The following UBE2F variants were observed in gnomAD, a reference collection of about 807,000 sequenced individuals.
The protein encoded by UBE2F is NEDD8-conjugating enzyme UBE2F.
UBE2F carries 5 observed loss-of-function variants against 29.6 expected under a neutral mutation model. That is an observed-to-expected ratio of 0.17 (90% confidence interval 0.09 to 0.36). The LOEUF (loss-of-function observed/expected upper bound fraction) is 0.36. Ranked by LOEUF, UBE2F falls within the 10% of genes least tolerant of loss-of-function variation. The pLI is 1.00. For synonymous variants in UBE2F, 66 were observed against 81.8 expected (o/e 0.81, Z 1.04); for missense variants, 141 against 228.5 (o/e 0.62, Z 2.47).
intron 2 of UBE2F, among the ~76,000 whole-genome samples, chr2:237,979,524 A>G (rs1003983969): frequency 6.6e-6 from 1 of 152,236 alleles, no homozygotes; most frequent in African/African-American, 2.4e-5. Flanking sequence ...GGCATGCCAC[A>G]TTGTCAGGGT....
Position 238,023,853 on chromosome 2 carries a change from T to G in UBE2F, c.283-1489T>G, listed in dbSNP as rs1044682652. ...CACATCTTCTGAAGGACATGAGCAG[T>G]GTATCAGAAGCTAGGGTTTATGACC... On this transcript the variant is annotated intron_variant, in intron 5 of 9. Coordinates refer to ENST00000272930, the MANE Select transcript of UBE2F (RefSeq NM_080678.3). Among the ~76,000 whole-genome samples, 7 of 152,190 alleles carry G rather than the reference T, an allele frequency of 4.6e-5. No homozygotes were observed. The East Asian group carries it at 1.4e-3, about 29-fold the overall frequency.
intron 2 of UBE2F, among the ~76,000 whole-genome samples, chr2:237,981,614 CTTTTTTTTTTTTTTTT>C (rs139270010): frequency 2.1e-4 from 13 of 62,398 alleles, no homozygotes; most frequent in East Asian, 6.2e-4. Flanking sequence ...AATTTGAATT[CTTTTTTTTTTTTTTTT>C]TTTTTTTTTT....
intron 3 of UBE2F, among the ~76,000 whole-genome samples, chr2:237,991,609 C>CTTTGTTTTTTTTTTTTTT (rs57180067): frequency 3.8e-5 from 2 of 53,052 alleles, no homozygotes; most frequent in Non-Finnish European, 7.0e-5. Context: ...TTCTTTCTTT[C>CTTTGTTTTTTTTTTTTTT]TTTTTTTTTT....
At chr2:238,001,150 C>T (rs1347210114) in intron 4 of UBE2F, among the ~76,000 whole-genome samples, 2 of 151,370 alleles carry the variant, frequency 1.3e-5, no homozygotes, top group African/African-American at 4.9e-5. Flanking sequence ...TCTCCTGCCT[C>T]AGCCTCCCAA....
chr2:238,033,069 A>G (rs1236293514), intron 8 of UBE2F, among the ~76,000 whole-genome samples: 3 of 152,198 alleles, frequency 2.0e-5, no homozygotes, highest in Non-Finnish European at 4.4e-5. Flanking sequence ...CTGTGGCTAC[A>G]CTAGCCAGCC....
intron 4 of UBE2F, among the ~76,000 whole-genome samples, chr2:237,996,014 A>G (rs865984049): frequency 2.6e-5 from 4 of 152,224 alleles, no homozygotes; most frequent in Non-Finnish European, 5.9e-5. Context: ...CCTGACATCT[A>G]TAGATAAATG....
rs1166026959 is a variant in UBE2F at position 237,967,240 on chromosome 2, G to T, written c.-17+108G>T. 3 of 771,084 alleles carry T rather than the reference G, an allele frequency of 3.9e-6. No homozygotes were observed. Among genetic ancestry groups the T allele is most frequent in the Non-Finnish European group, 4.7e-6 (3 of 635,466 alleles). 47.8% of individuals were successfully genotyped at this position (771,084 alleles called of 1,614,324 possible). A position where few individuals can be genotyped will look rare whatever the true frequency, so the allele number is the denominator to read the frequency against. Reference sequence around the variant, plus strand: ...GCGGGCGGTGGCGGGGCCGCCTCGGGCCCGCCGGGTTCCTCACGCCGGGGG... The same window carrying T: ...GCGGGCGGTGGCGGGGCCGCCTCGGTCCCGCCGGGTTCCTCACGCCGGGGG... On this transcript the variant is annotated intron_variant, in intron 1 of 9. Transcript: ENST00000272930. The surrounding 1 kb of genome is among the most constrained non-coding windows in gnomAD (Gnocchi z 6.3).
intron 4 of UBE2F, among the ~76,000 whole-genome samples, chr2:238,006,095 G>A (rs543498373): frequency 4.0e-4 from 61 of 152,184 alleles, no homozygotes; most frequent in Non-Finnish European, 6.3e-4. Flanking sequence ...TTATGGTTCT[G>A]CAGGCTGTGT....
chr2:238,002,242 T>C (rs2063810426), intron 4 of UBE2F, among the ~76,000 whole-genome samples: 1 of 152,012 alleles, frequency 6.6e-6, no homozygotes, highest in Non-Finnish European at 1.5e-5. Context: ...TTTTTTTTTT[T>C]TCCTCTTTCT....
intron 3 of UBE2F, chr2:237,990,468 G>A (rs2063564035): frequency 2.3e-6 from 1 of 442,532 alleles, no homozygotes; most frequent in African/African-American, 2.1e-5. Context: ...AGTGGCATGA[G>A]TGTGGCTCAC....
chr2:237,967,158 G>C lies in UBE2F; in HGVS notation c.-17+26G>C. ...GTGAGGAGCGACCGTGCGGCTCTGCGGCGGGGCGAGGTGCGGCCGCCGGTG... is the reference window on the plus strand; with the variant it reads ...GTGAGGAGCGACCGTGCGGCTCTGCCGCGGGGCGAGGTGCGGCCGCCGGTG... On this transcript the variant is annotated intron_variant, in intron 1 of 9. Transcript: ENST00000272930. The surrounding 1 kb of genome is among the most constrained non-coding windows in gnomAD (Gnocchi z 6.3). The C allele has an allele frequency of 8.4e-7, 1 of 1,195,314 alleles. No individual in the cohort carries two copies. The highest frequency in any genetic ancestry group is 3.6e-5 in the South Asian group (1 of 27,682). 74.0% of individuals were successfully genotyped at this position (1,195,314 alleles called of 1,614,324 possible).
At chr2:237,977,553 C>T (rs1194911874) in intron 2 of UBE2F, among the ~76,000 whole-genome samples, 1 of 152,096 alleles carries the variant, frequency 6.6e-6, no homozygotes, top group Non-Finnish European at 1.5e-5. Flanking sequence ...TGGGGTCCGC[C>T]CCTAGAGTGC....
chr2:237,985,910 G>T (rs1485781042), intron 2 of UBE2F, among the ~76,000 whole-genome samples: 1 of 152,128 alleles, frequency 6.6e-6, no homozygotes, highest in African/African-American at 2.4e-5. Context: ...GATTTCTCAT[G>T]ATTTTGATTT....
At chr2:237,970,640 G>A (rs1380152568) in intron 1 of UBE2F, among the ~76,000 whole-genome samples, 1 of 152,198 alleles carries the variant, frequency 6.6e-6, no homozygotes, top group Non-Finnish European at 1.5e-5. Context: ...GTATGTCCGT[G>A]TCCTCTAGTG....
chr2:237,973,045 T>C, intron 1 of UBE2F, 47 bp from the exon 2 acceptor site: 1 of 1,541,600 alleles, frequency 6.5e-7, no homozygotes, highest in South Asian at 1.2e-5. Context: ...GTCTAATTAG[T>C]CTCTGGAGAC....
chr2:238,003,018 T>C (rs1335275857), intron 4 of UBE2F, among the ~76,000 whole-genome samples: 1 of 152,328 alleles, frequency 6.6e-6, no homozygotes, highest in East Asian at 1.9e-4. Context: ...AGAGTAGACC[T>C]ATTACCTTGA....
At chr2:238,012,285 G>A (rs1489161881) in intron 4 of UBE2F, among the ~76,000 whole-genome samples, 1 of 152,146 alleles carries the variant, frequency 6.6e-6, no homozygotes, top group Admixed American at 6.5e-5. Context: ...ACTTGGAGAA[G>A]GCTTTGTCAC....
At chr2:238,005,200 T>C (rs1179989803) in intron 4 of UBE2F, among the ~76,000 whole-genome samples, 1 of 152,194 alleles carries the variant, frequency 6.6e-6, no homozygotes, top group Admixed American at 6.5e-5. Context: ...TTTTTAAAAT[T>C]ATTTTATTTT....
chr2:238,012,756 G>A (rs572208873), intron 4 of UBE2F, among the ~76,000 whole-genome samples: 2 of 152,274 alleles, frequency 1.3e-5, no homozygotes, highest in Non-Finnish European at 2.9e-5. Flanking sequence ...GGTGAGACGT[G>A]GAACTGGTGC....
Sources: gnomAD v4.1 joint callset for allele counts (sites outside exome capture counted in the v4.1 genomes callset) on GRCh38, gnomAD v4.1.1 for gene constraint, Gnocchi (gnomAD v3.1) non-coding constraint, MANE v1.5 for transcripts, NCBI Gene and HGNC (gene_info 2026-07-23, HGNC 2026-07-21) for gene names.